Variants in PKD2L2 observed in about 807,000 individuals in gnomAD.
The protein encoded by PKD2L2 is polycystin 2 like 2, transient receptor potential cation channel, also known as polycystin-2-like protein 2.
A neutral mutation model predicts 83.9 loss-of-function variants in PKD2L2; 67 were observed. The observed-to-expected ratio is 0.80, with a 90% CI of 0.66 to 0.98. The LOEUF (loss-of-function observed/expected upper bound fraction) is 0.98, where lower values mean the gene tolerates loss of function less well. PKD2L2 is among the 50% of genes least tolerant of loss of function. PKD2L2 has a pLI of 0.00. For missense variants in PKD2L2, 632 were observed against 717.2 expected (o/e 0.88, Z 1.36); for synonymous variants, 223 against 237.8 (o/e 0.94, Z 0.57).
At chr5:137,890,655 T>TAA (rs1352162027) in intron 2 of PKD2L2, 73 bp downstream of exon 2, 2 of 657,680 alleles carry the variant, frequency 3.0e-6, no homozygotes, top group Non-Finnish European at 5.1e-6. Context: ...AAATAAAACA[T>TAA]ACAAACTTCA....
chr5:137,903,929 G>A (rs1044351853), intron 5 of PKD2L2, among the ~76,000 whole-genome samples: 3 of 151,996 alleles, frequency 2.0e-5, no homozygotes, highest in African/African-American at 7.2e-5. Context: ...GCTACTTTTT[G>A]TATTTTAGTA....
At chr5:137,937,861 G>C (rs1433256577) in intron 14 of PKD2L2, 1 of 151,622 alleles carries the variant, frequency 6.6e-6, no homozygotes, top group Non-Finnish European at 1.5e-5. Context: ...CATCGCCCCT[G>C]GGTGGGATCA....
rs140608401 is a variant in PKD2L2 at position 137,902,036 on chromosome 5, A to T, written c.746+2299A>T. On this transcript the variant is annotated intron_variant, in intron 5 of 14. Coordinates refer to ENST00000508883, the MANE Select transcript of PKD2L2 (RefSeq NM_001300921.2). Reference sequence around the variant, plus strand: ...AGTGGGAGGGTGAAGGGTTTCAGGAAACTGATCTTGGAGAAATCAAGAGCT... The same window carrying T: ...AGTGGGAGGGTGAAGGGTTTCAGGATACTGATCTTGGAGAAATCAAGAGCT... Among the ~76,000 whole-genome samples, 539 of 152,300 alleles carry T rather than the reference A, an allele frequency of 3.5e-3. 5 individuals are homozygous for T. The highest frequency in any genetic ancestry group is 0.01 in the Middle Eastern group (3 of 294).
Position 137,936,441 on chromosome 5 carries a change from A to G in PKD2L2, c.*17+14A>G. Reference sequence around the variant, plus strand: ...AGACAAGTGGAGGTAAGAATCTGTGATGCAATCATTGAGCATTTCTTTTTT... The same window carrying G: ...AGACAAGTGGAGGTAAGAATCTGTGGTGCAATCATTGAGCATTTCTTTTTT... On this transcript the variant is annotated intron_variant, in intron 14 of 14. Coordinates refer to ENST00000508883, the MANE Select transcript of PKD2L2 (RefSeq NM_001300921.2). The G allele has an allele frequency of 6.6e-7, 1 of 1,518,954 alleles. No individual in the cohort carries two copies. The highest frequency in any genetic ancestry group is 8.8e-7 in the Non-Finnish European group (1 of 1,135,666). 94.1% of individuals were successfully genotyped at this position (1,518,954 alleles called of 1,614,324 possible).
intron 6 of PKD2L2, among the ~76,000 whole-genome samples, chr5:137,907,441 C>T (rs937912363): frequency 1.3e-5 from 2 of 152,138 alleles, no homozygotes; most frequent in African/African-American, 4.8e-5. Context: ...GAGCAAAAAT[C>T]CTTATGGCCT....
In PKD2L2 at chr5:137,907,889, A is replaced by G; in HGVS notation, c.1123A>G (p.Thr375Ala). 7.0e-7 allele frequency: 1 copy of G among 1,435,088 alleles called. No homozygotes were observed. The highest frequency in any genetic ancestry group is 1.3e-5 in the South Asian group (1 of 79,492). 88.9% of individuals were successfully genotyped at this position (1,435,088 alleles called of 1,614,324 possible). A position where few individuals can be genotyped will look rare whatever the true frequency, so the allele number is the denominator to read the frequency against. ...HIYYNNIIAI[T>A]IFFAWIKIFK... ...TTATTACAATAATATAATTGCTATT[A>G]CCATCTTTTTTGCATGGATAAAGGT... Residue 375 changes from threonine to alanine, a missense_variant, in exon 7 of 15, where the codon ACC (threonine) becomes GCC (alanine). By Grantham distance (58) the Thr-to-Ala change is moderately conservative (BLOSUM62 0). Around this residue, in one of 3 missense-constraint regions of PKD2L2, gnomAD observed 399 missense variants for 416.9 expected, o/e 0.96. Coordinates refer to ENST00000508883, the MANE Select transcript of PKD2L2 (RefSeq NM_001300921.2).
chr5:137,897,363 C>T (rs1035793785), intron 4 of PKD2L2, among the ~76,000 whole-genome samples: 1 of 151,976 alleles, frequency 6.6e-6, no homozygotes, highest in African/African-American at 2.4e-5. Context: ...AGCCCATTCT[C>T]TTAACTATTA....
intron 5 of PKD2L2, among the ~76,000 whole-genome samples, chr5:137,905,486 A>T (rs965796600): frequency 2.0e-5 from 3 of 152,180 alleles, no homozygotes; most frequent in Non-Finnish European, 4.4e-5. Context: ...AAGAGTACCA[A>T]CATTTGCTAA....
chr5:137,940,244 T>C (rs1382640382), intron 14 of PKD2L2: 2 of 1,614,062 alleles, frequency 1.2e-6, no homozygotes, highest in East Asian at 2.2e-5. Context: ...TTTTGAAGAA[T>C]CTTGTTTGCT....
intron 8 of PKD2L2, among the ~76,000 whole-genome samples, chr5:137,916,407 CCCGGCCT>C (rs892231454): frequency 3.3e-5 from 5 of 151,866 alleles, no homozygotes; most frequent in Admixed American, 2.0e-4. Flanking sequence ...AACCACCATG[CCCGGCCT>C]CTCCCTCACT....
At chr5:137,921,056 C>G (rs953762431) in intron 8 of PKD2L2, among the ~76,000 whole-genome samples, 1 of 152,088 alleles carries the variant, frequency 6.6e-6, no homozygotes, top group Admixed American at 6.6e-5. Flanking sequence ...AAACAGGTAT[C>G]TCAGGTTCAA....
intron 8 of PKD2L2, among the ~76,000 whole-genome samples, chr5:137,911,447 C>A (rs576677103): frequency 2.0e-5 from 3 of 152,280 alleles, no homozygotes; most frequent in Non-Finnish European, 4.4e-5. Flanking sequence ...GTATAAATAT[C>A]TCTTCAAGAC....
chr5:137,908,168 G>T (rs1473659943), intron 7 of PKD2L2, among the ~76,000 whole-genome samples: 1 of 152,074 alleles, frequency 6.6e-6, no homozygotes, highest in Non-Finnish European at 1.5e-5. Context: ...TATTAACTGG[G>T]TGTGGTGGTG....
chr5:137,942,641 G>T lies in PKD2L2; in HGVS notation c.*275G>T. 1 of 458,850 alleles carries T rather than the reference G, an allele frequency of 2.2e-6. No homozygotes were observed. Among genetic ancestry groups the T allele is most frequent in the Non-Finnish European group, 3.8e-6 (1 of 264,666 alleles). The allele number at this position is 458,850 out of a possible 1,614,324, so 28.4% of individuals were successfully genotyped here. A position where few individuals can be genotyped will look rare whatever the true frequency, so the allele number is the denominator to read the frequency against. On this transcript the variant is annotated 3_prime_UTR_variant, in exon 15 of 15. Coordinates refer to ENST00000508883, the MANE Select transcript of PKD2L2 (RefSeq NM_001300921.2). Reference sequence around the variant, plus strand: ...GCTTCAAAAACTGCTGGGATTATAGGCATGAGCCACTGTGCCTGGCTAGAT... The same window carrying T: ...GCTTCAAAAACTGCTGGGATTATAGTCATGAGCCACTGTGCCTGGCTAGAT...
chr5:137,930,267 G>GA (rs1759755821), intron 12 of PKD2L2, among the ~76,000 whole-genome samples: 1 of 151,950 alleles, frequency 6.6e-6, no homozygotes, highest in South Asian at 2.1e-4. Flanking sequence ...AGTTAATGCA[G>GA]AAAAAAATTC....
intron 10 of PKD2L2, among the ~76,000 whole-genome samples, chr5:137,923,916 A>G (rs1047671745): frequency 6.6e-6 from 1 of 152,016 alleles, no homozygotes; most frequent in South Asian, 2.1e-4. Context: ...CGTCTTCCTC[A>G]TTTTCCTGTT....
intron 8 of PKD2L2, among the ~76,000 whole-genome samples, chr5:137,916,119 C>G (rs919204169): frequency 8.6e-5 from 13 of 151,748 alleles, no homozygotes; most frequent in African/African-American, 3.1e-4. Flanking sequence ...ATCCACCCAC[C>G]TTGGCGTCCC....
intron 8 of PKD2L2, among the ~76,000 whole-genome samples, chr5:137,916,441 G>C (rs990831963): frequency 1.4e-5 from 2 of 146,884 alleles, no homozygotes; most frequent in South Asian, 2.2e-4. Flanking sequence ...GGAGAGTTTT[G>C]CCAGATATAA....
chr5:137,890,412 GT>G, intron 1 of PKD2L2, 68 bp from the exon 2 acceptor site: 2 of 815,640 alleles, frequency 2.5e-6, no homozygotes, highest in Non-Finnish European at 4.1e-6. Context: ...AGTGGCTGTG[GT>G]TTTTCCATTG....
Sources: allele counts gnomAD v4.1 joint callset (sites outside exome capture counted in the v4.1 genomes callset), GRCh38; gene constraint gnomAD v4.1.1; regional missense constraint gnomAD v4.1.1; transcripts MANE v1.5; gene names NCBI Gene and HGNC (gene_info 2026-07-23, HGNC 2026-07-21).